SNCAIP: variants seen among roughly 807,000 people sequenced by gnomAD.
The protein encoded by SNCAIP is synuclein alpha interacting protein, also known as synphilin-1.
Under a neutral mutation model 86.7 loss-of-function variants are expected in SNCAIP, and 43 were observed. The observed-to-expected ratio is 0.50, with a 90% CI of 0.39 to 0.64. SNCAIP has a LOEUF of 0.64. Among genes scored for constraint, SNCAIP ranks in the 30% least tolerant of loss-of-function variants. The probability of loss-of-function intolerance (pLI) is 0.00; values close to 1 mark genes in which losing one functional copy is unlikely to be tolerated. For synonymous variants in SNCAIP, 417 were observed against 427.2 expected (o/e 0.98, Z 0.29); for missense variants, 981 against 1,103.1 (o/e 0.89, Z 1.57).
intron 3 of SNCAIP, among the ~76,000 whole-genome samples, chr5:122,413,581 C>T (rs1343053098): frequency 6.6e-6 from 1 of 152,076 alleles, no homozygotes. Flanking sequence ...ATATCTATTT[C>T]ATTCACTCCT....
chr5:122,392,299 T>C (rs1769550743), intron 2 of SNCAIP, among the ~76,000 whole-genome samples: 1 of 152,172 alleles, frequency 6.6e-6, no homozygotes, highest in African/African-American at 2.4e-5. Flanking sequence ...CTATTTCAGC[T>C]TCCAGACAAT....
upstream of SNCAIP, chr5:122,311,943 GGGGCGCAGCGCAGCCTGA>G (rs1237790533): frequency 6.7e-5 from 10 of 149,718 alleles, no homozygotes; most frequent in Admixed American, 6.6e-4. Flanking sequence ...GGCGGCCGCA[GGGGCGCAGCGCAGCCTGA>G]GGGCGCGGCG....
chr5:122,449,541 A>G (rs1783271071), intron 8 of SNCAIP, among the ~76,000 whole-genome samples: 1 of 152,204 alleles, frequency 6.6e-6, no homozygotes, highest in Non-Finnish European at 1.5e-5. Flanking sequence ...TAGATACTCA[A>G]ACATATTATC....
At chr5:122,315,073 A>T (rs1751428756) in intron 1 of SNCAIP, among the ~76,000 whole-genome samples, 1 of 152,246 alleles carries the variant, frequency 6.6e-6, no homozygotes. Context: ...TCAGTTATTC[A>T]TTGCTGGATA....
In SNCAIP at chr5:122,388,389, G is replaced by A. The variant is rs190991024; in HGVS notation, c.-46-2700G>A. ...TTCTGTTACAGCATGTTTGCCATGG[G>A]TCTGAAAGAAGGCTTATTGGTTTCC... On this transcript the variant is annotated intron_variant, in intron 1 of 10. Coordinates refer to ENST00000261368, the MANE Select transcript of SNCAIP (RefSeq NM_005460.4). Among the ~76,000 whole-genome samples the A allele has an allele frequency of 1.6e-3, 251 of 152,288 alleles. 1 individual carries two copies. The highest frequency in any genetic ancestry group is 2.9e-3 in the Non-Finnish European group (194 of 68,034).
At chr5:122,313,555 T>A (rs1229399884) in intron 1 of SNCAIP, among the ~76,000 whole-genome samples, 1 of 152,266 alleles carries the variant, frequency 6.6e-6, no homozygotes, top group Admixed American at 6.5e-5. Context: ...GGGAATGGGT[T>A]GAAATCTGTA....
chr5:122,429,677 A>C (rs754125555), intron 5 of SNCAIP, among the ~76,000 whole-genome samples: 3 of 152,128 alleles, frequency 2.0e-5, no homozygotes, highest in Non-Finnish European at 4.4e-5. Context: ...AACATTTGGC[A>C]TGCTCCAATT....
intron 1 of SNCAIP, among the ~76,000 whole-genome samples, chr5:122,365,585 A>G (rs1763016173): frequency 1.3e-5 from 2 of 152,216 alleles, no homozygotes; most frequent in South Asian, 4.1e-4. Flanking sequence ...AGGCTGAGGC[A>G]GGAGAATCGC....
chr5:122,427,175 T>A (rs1046023443), intron 5 of SNCAIP, among the ~76,000 whole-genome samples: 7 of 152,216 alleles, frequency 4.6e-5, no homozygotes, highest in South Asian at 2.1e-4. Flanking sequence ...TAATTTTTTT[T>A]AATTTGTATG....
chr5:122,319,043 C>T (rs1752404895), intron 1 of SNCAIP, among the ~76,000 whole-genome samples: 2 of 149,268 alleles, frequency 1.3e-5, no homozygotes, highest in Admixed American at 1.3e-4. Context: ...TGCCACTAAG[C>T]TCCTTCCTCC....
At chr5:122,408,398 C>T (rs923439725) in intron 3 of SNCAIP, among the ~76,000 whole-genome samples, 1 of 152,176 alleles carries the variant, frequency 6.6e-6, no homozygotes, top group Non-Finnish European at 1.5e-5. Context: ...CACCTCACTT[C>T]ATCCCTGCGG....
intron 7 of SNCAIP, chr5:122,443,978 T>C: frequency 7.1e-6 from 3 of 421,050 alleles, no homozygotes; most frequent in South Asian, 1.7e-5. Flanking sequence ...AAAGCTTTCT[T>C]CTACAAAGCC....
chr5:122,347,707 G>A (rs868103712), intron 1 of SNCAIP, among the ~76,000 whole-genome samples: 4 of 151,888 alleles, frequency 2.6e-5, no homozygotes, highest in Non-Finnish European at 4.4e-5. Context: ...TAATGCATGT[G>A]ACATGACACC....
Position 122,449,943 on chromosome 5 carries a change from A to G in SNCAIP, c.1685+6A>G, listed in dbSNP as rs764336235. 1.9e-6 allele frequency: 3 copies of G among 1,583,050 alleles called. No homozygotes were observed. The highest frequency in any genetic ancestry group is 2.6e-6 in the Non-Finnish European group (3 of 1,151,740). On this transcript the variant is annotated splice_donor_region_variant and intron_variant, in intron 9 of 10. Coordinates refer to ENST00000261368, the MANE Select transcript of SNCAIP (RefSeq NM_005460.4). Reference sequence around the variant, plus strand: ...TCACTCCCTTCTTCACCCAGGTAATACCAGCACATTGTTGTTTAGCATTCT... The same window carrying G: ...TCACTCCCTTCTTCACCCAGGTAATGCCAGCACATTGTTGTTTAGCATTCT...
intron 2 of SNCAIP, among the ~76,000 whole-genome samples, chr5:122,392,147 T>G (rs1769508620): frequency 6.6e-6 from 1 of 152,182 alleles, no homozygotes; most frequent in African/African-American, 2.4e-5. Context: ...ATTCATCTAC[T>G]TTACTCCTTA....
chr5:122,329,536 A>G (rs936446263), intron 1 of SNCAIP, among the ~76,000 whole-genome samples: 2 of 152,196 alleles, frequency 1.3e-5, no homozygotes, highest in Non-Finnish European at 2.9e-5. Context: ...ATAGTAATTC[A>G]TAAAGGTATT....
intron 8 of SNCAIP, chr5:122,444,943 A>T (rs973723816): frequency 1.7e-6 from 1 of 602,572 alleles, no homozygotes; most frequent in African/African-American, 1.8e-5. Context: ...TCTAAACAGT[A>T]AAGTGTACAG....
Position 122,450,813 on chromosome 5 carries a change from C to G in SNCAIP, c.1966C>G (p.Pro656Ala). The G allele has an allele frequency of 6.2e-7, 1 of 1,614,058 alleles. No individual in the cohort carries two copies. The highest frequency in any genetic ancestry group is 8.5e-7 in the Non-Finnish European group (1 of 1,180,014). The change falls in exon 10 of 11, where the codon CCA (proline) becomes GCA (alanine). Residue 656 changes from proline (P) to alanine (A), a missense_variant. Pro to Ala is a conservative substitution (Grantham distance 27, BLOSUM62 -1). Transcript: ENST00000261368. ...TTCCTCTAGAAATTCTAAAAAGATCCCACTGGAGAAGAGGGAACTGAAGTT... is the reference window on the plus strand; with the variant it reads ...TTCCTCTAGAAATTCTAAAAAGATCGCACTGGAGAAGAGGGAACTGAAGTT... ...QASSRNSKKI[P>A]LEKRELKLAR... is the part of the protein sequence containing the mutation.
chr5:122,444,483 T>C, intron 7 of SNCAIP, 80 bp from the exon 8 acceptor site: 1 of 1,310,202 alleles, frequency 7.6e-7, no homozygotes, highest in Non-Finnish European at 1.1e-6. Flanking sequence ...CTCTTCATAC[T>C]ATTCAACATT....
Sources: allele counts gnomAD v4.1 joint callset (sites outside exome capture counted in the v4.1 genomes callset), GRCh38; gene constraint gnomAD v4.1.1; transcripts MANE v1.5; gene names NCBI Gene and HGNC (gene_info 2026-07-23, HGNC 2026-07-21).